Variants in RALGAPA2 observed in about 807,000 individuals in gnomAD.
RALGAPA2 encodes Ral GTPase activating protein catalytic subunit alpha 2.
A neutral mutation model predicts 230.4 loss-of-function variants in RALGAPA2; 139 were observed. The ratio of observed to expected loss-of-function variants is 0.60; its 90% CI spans 0.53 to 0.69. The LOEUF is 0.69. Among genes scored for constraint, RALGAPA2 ranks in the 30% least tolerant of loss-of-function variants. RALGAPA2 has a pLI of 0.00. For missense variants in RALGAPA2, 2,163 were observed against 2,276.0 expected, an observed-to-expected ratio of 0.95 and a Z score of 1.01; for synonymous variants, 847 against 837.8, an observed-to-expected ratio of 1.01 and a Z score of -0.19.
intron 37 of RALGAPA2, among the ~76,000 whole-genome samples, chr20:20,426,810 G>A (rs549043299): frequency 7.2e-5 from 11 of 152,300 alleles, no homozygotes; most frequent in Non-Finnish European, 1.3e-4. Flanking sequence ...GTGAGCCCCC[G>A]GCCAGGCACC....
At chr20:20,572,086 T>C (rs2064661354) in intron 21 of RALGAPA2, 140 bp from the exon 22 acceptor site, 1 of 625,624 alleles carries the variant, frequency 1.6e-6, no homozygotes, top group Non-Finnish European at 2.8e-6. Flanking sequence ...AGTTTCTCTT[T>C]TATTGTGAAA....
chr20:20,501,060 T>C (rs1238919838), intron 35 of RALGAPA2, among the ~76,000 whole-genome samples: 2 of 152,240 alleles, frequency 1.3e-5, no homozygotes, highest in African/African-American at 4.8e-5. Context: ...TGTTGTTCCA[T>C]TTATTGAGCA....
intron 1 of RALGAPA2, among the ~76,000 whole-genome samples, chr20:20,683,649 A>C (rs141519338): frequency 3.5e-4 from 53 of 152,342 alleles, no homozygotes; most frequent in Non-Finnish European, 6.2e-4. Flanking sequence ...CATCCTGCTT[A>C]CATAACAGCA....
chr20:20,702,468 A>G (rs1268639706), intron 1 of RALGAPA2, among the ~76,000 whole-genome samples: 1 of 152,242 alleles, frequency 6.6e-6, no homozygotes, highest in Non-Finnish European at 1.5e-5. Context: ...TCAGACTTCA[A>G]CATAGGTCTG....
intron 38 of RALGAPA2, among the ~76,000 whole-genome samples, chr20:20,401,549 G>C (rs2059838943): frequency 6.6e-6 from 1 of 152,008 alleles, no homozygotes; most frequent in Non-Finnish European, 1.5e-5. Flanking sequence ...GGGGCAGTGA[G>C]GTGGGATTAC....
At chr20:20,394,797 G>A (rs1219112872) in intron 39 of RALGAPA2, among the ~76,000 whole-genome samples, 2 of 151,408 alleles carry the variant, frequency 1.3e-5, no homozygotes, top group Admixed American at 1.3e-4. Context: ...CCAGGGTGTG[G>A]GGCAGCATGG....
rs2059634309 is a variant in RALGAPA2 at position 20,393,234 on chromosome 20, C to T, written c.*55G>A. ...TCAGGGGCTCTTCGAGGTCAGCACT[C>T]AGACTGGAGGCCAGGGCCCCTGCAA... On this transcript the variant is annotated 3_prime_UTR_variant, in exon 40 of 40. Coordinates refer to ENST00000202677, the MANE Select transcript of RALGAPA2 (RefSeq NM_020343.4). 7.4e-7 allele frequency: 1 copy of T among 1,355,462 alleles called. No individual in the cohort carries two copies. Among genetic ancestry groups the T allele is most frequent in the Non-Finnish European group, 9.8e-7 (1 of 1,016,728 alleles). 84.0% of individuals were successfully genotyped at this position (1,355,462 alleles called of 1,614,324 possible). A position where few individuals can be genotyped will look rare whatever the true frequency, so the allele number is the denominator to read the frequency against.
rs138313847 is a variant in RALGAPA2 at position 20,544,553 on chromosome 20, A to G, written c.3285+2151T>C. ...CCAAAGGATTATAAATCATGCTGCTATAAAGACACATGCACATGTATGTTT... is the reference window on the plus strand; with the variant it reads ...CCAAAGGATTATAAATCATGCTGCTGTAAAGACACATGCACATGTATGTTT... On this transcript the variant is annotated intron_variant, in intron 24 of 39. Transcript: ENST00000202677. 7.3e-3 allele frequency among the ~76,000 whole-genome samples: 1,108 copies of G among 152,292 alleles called. 11 individuals carry two copies. The highest frequency in any genetic ancestry group is 0.026 in the African/African-American group (1,062 of 41,550).
chr20:20,512,580 G>A lies in RALGAPA2; in HGVS notation c.4789C>T (p.Pro1597Ser). ...CTGCAGAAATAAAAGGGTCCTCGGG[G>A]CTCCACTGGGGAGGGCTGCCCTTGG... ...TSQGQPSPVE[P>S]RGPFYFCRLL... is the part of the protein sequence containing the mutation. Residue 1597 changes from proline (P) to serine (S), a missense_variant, in exon 32 of 40, where the codon CCC becomes TCC. Coordinates refer to ENST00000202677, the MANE Select transcript of RALGAPA2 (RefSeq NM_020343.4). 1 of 1,613,856 alleles carries A rather than the reference G, an allele frequency of 6.2e-7. No individual in the cohort carries two copies. Among genetic ancestry groups the A allele is most frequent in the East Asian group, 2.2e-5 (1 of 44,862 alleles).
chr20:20,506,903 C>G (rs920898864), intron 33 of RALGAPA2, among the ~76,000 whole-genome samples: 2 of 152,072 alleles, frequency 1.3e-5, no homozygotes, highest in Non-Finnish European at 2.9e-5. Flanking sequence ...TTCACTTCCC[C>G]TATGGTTTAT....
chr20:20,653,555 G>T lies in RALGAPA2; in HGVS notation c.303C>A (p.Phe101Leu). 1 of 1,500,446 alleles carries T rather than the reference G, an allele frequency of 6.7e-7. No individual in the cohort carries two copies. Among genetic ancestry groups the T allele is most frequent in the Non-Finnish European group, 9.0e-7 (1 of 1,105,036 alleles). 92.9% of individuals were successfully genotyped at this position (1,500,446 alleles called of 1,614,324 possible). A position where few individuals can be genotyped will look rare whatever the true frequency, so the allele number is the denominator to read the frequency against. ...KILQFLPERI[F>L]FRWHYQSIGS... is the part of the protein sequence containing the mutation. ...CTATACTCTGGTAATGCCATCGAAA[G>T]AAAATTCGTTCAGGTAGAAACTGCA... Residue 101 changes from phenylalanine to leucine, a missense_variant, in exon 4 of 40, where the codon TTC becomes TTA. Transcript: ENST00000202677.
At chr20:20,677,785 A>G (rs1233027235) in intron 2 of RALGAPA2, among the ~76,000 whole-genome samples, 1 of 151,508 alleles carries the variant, frequency 6.6e-6, no homozygotes, top group Non-Finnish European at 1.5e-5. Context: ...CTGGGACTAC[A>G]GGCGCCTGCC....
intron 1 of RALGAPA2, among the ~76,000 whole-genome samples, chr20:20,698,323 T>A (rs886578564): frequency 4.0e-5 from 6 of 151,420 alleles, no homozygotes; most frequent in Non-Finnish European, 7.4e-5. Flanking sequence ...CAGGCTGGAG[T>A]GCAGTGGCTC....
Position 20,465,149 on chromosome 20 carries a change from T to TCACACACACACACACACACACACA in RALGAPA2, c.5495+7656_5495+7679dup, listed in dbSNP as rs74180992. ...GCTTCTTCCCTCCCCCCGCAGGCCT[T>TCACACACACACACACACACACACA]CACACACACACACACACACACACAC... On this transcript the variant is annotated intron_variant, in intron 37 of 39. Coordinates refer to ENST00000202677, the MANE Select transcript of RALGAPA2 (RefSeq NM_020343.4). 1.5e-3 allele frequency among the ~76,000 whole-genome samples: 164 copies of TCACACACACACACACACACACACA among 109,226 alleles called. 5 individuals carry two copies. Among genetic ancestry groups the TCACACACACACACACACACACACA allele is most frequent in the East Asian group, 4.3e-3 (14 of 3,242 alleles). 71.7% of individuals were successfully genotyped at this position (109,226 alleles called of 152,430 possible).
chr20:20,633,521 T>A (rs1482401366), intron 9 of RALGAPA2, among the ~76,000 whole-genome samples: 3 of 152,172 alleles, frequency 2.0e-5, no homozygotes, highest in Non-Finnish European at 4.4e-5. Flanking sequence ...ACAGTCTCGC[T>A]CTGTCGCCCA....
Position 20,399,437 on chromosome 20 carries a change from C to T in RALGAPA2, c.5618-2703G>A, listed in dbSNP as rs115672526. Among the ~76,000 whole-genome samples, 532 of 151,458 alleles carry T rather than the reference C, an allele frequency of 3.5e-3. 1 individual carries two copies. The highest frequency in any genetic ancestry group is 0.012 in the African/African-American group (513 of 41,280). ...TTTACCTATTTGTGGTGCTGGGAATCGAAGCCAGCCCTACTCATATCTAAG... is the reference window on the plus strand; with the variant it reads ...TTTACCTATTTGTGGTGCTGGGAATTGAAGCCAGCCCTACTCATATCTAAG... On this transcript the variant is annotated intron_variant, in intron 38 of 39. Transcript: ENST00000202677.
intron 37 of RALGAPA2, among the ~76,000 whole-genome samples, chr20:20,423,371 A>ACCACCC (rs1452872210): frequency 6.6e-6 from 1 of 151,940 alleles, no homozygotes; most frequent in Non-Finnish European, 1.5e-5. Context: ...ATGTTAGGGA[A>ACCACCC]CCACCCCCAC....
intron 13 of RALGAPA2, 125 bp from the exon 14 acceptor site, chr20:20,611,551 A>G: frequency 2.9e-6 from 4 of 1,397,472 alleles, no homozygotes; most frequent in Non-Finnish European, 3.8e-6. Context: ...CGAAACTATT[A>G]AAGTCCAGAT....
intron 33 of RALGAPA2, among the ~76,000 whole-genome samples, chr20:20,508,916 TC>T: frequency 6.6e-6 from 1 of 152,336 alleles, no homozygotes; most frequent in South Asian, 2.1e-4. Flanking sequence ...ACTCAGCTAT[TC>T]AAAGCCATAT....
Sources: allele counts gnomAD v4.1 joint callset (sites outside exome capture counted in the v4.1 genomes callset), GRCh38; gene constraint gnomAD v4.1.1; transcripts MANE v1.5; gene names NCBI Gene and HGNC (gene_info 2026-07-23, HGNC 2026-07-21).